The following SLC16A3 variants were observed in gnomAD, a reference collection of about 807,000 sequenced individuals.
SLC16A3 encodes the protein solute carrier family 16 member 3, also known as monocarboxylate transporter 4.
Under a neutral mutation model 25.0 loss-of-function variants are expected in SLC16A3, and 22 were observed. The observed-to-expected ratio is 0.88, with a 90% confidence interval of 0.63 to 1.26. The LOEUF (loss-of-function observed/expected upper bound fraction) is 1.26, where lower values mean the gene tolerates loss of function less well. SLC16A3 is among the 50% of genes most tolerant of loss of function. SLC16A3 has a pLI of 0.00. For synonymous variants in SLC16A3, 390 were observed against 309.2 expected, an observed-to-expected ratio of 1.26 and a Z score of -2.74; for missense variants, 731 against 666.6, an observed-to-expected ratio of 1.10 and a Z score of -1.06.
At chr17:82,227,633 G>GC (rs1369492321), upstream of SLC16A3, among the ~76,000 whole-genome samples, 12 of 67,728 alleles carry the variant, frequency 1.8e-4, 1 homozygote, top group African/African-American at 4.4e-4. Context: ...ACCTGCCCTG[G>GC]GCGGGAGCAC....
chr17:82,227,665 C>CCACCTGCCCTGGGCGGGAGCAG (rs2050434703), upstream of SLC16A3, among the ~76,000 whole-genome samples: 1 of 21,352 alleles, frequency 4.7e-5, no homozygotes, highest in Admixed American at 7.6e-4. Context: ...GGCGGGAGCA[C>CCACCTGCCCTGGGCGGGAGCAG]CACCTGCCCT....
chr17:82,239,090 C>A lies in SLC16A3; in HGVS notation c.*114C>A. The A allele has an allele frequency of 9.6e-7, 1 of 1,040,650 alleles. No individual in the cohort carries two copies. 64.5% of individuals were successfully genotyped at this position (1,040,650 alleles called of 1,614,324 possible). A position where few individuals can be genotyped will look rare whatever the true frequency, so the allele number is the denominator to read the frequency against. On this transcript the variant is annotated 3_prime_UTR_variant, in exon 5 of 5. Coordinates refer to ENST00000582743, the MANE Select transcript of SLC16A3 (RefSeq NM_004207.4). ...AGGGCCACGGCTGGGCTCCAGCTGC[C>A]GGCCCAGCGGATCGTCGCCCGATCA...
chr17:82,240,012 G>A lies in SLC16A3; in HGVS notation c.*1036G>A. 1 of 1,233,800 alleles carries A rather than the reference G, an allele frequency of 8.1e-7. No individual in the cohort carries two copies. Among genetic ancestry groups the A allele is most frequent in the Non-Finnish European group, 1.0e-6 (1 of 987,898 alleles). 76.4% of individuals were successfully genotyped at this position (1,233,800 alleles called of 1,614,324 possible). A position where few individuals can be genotyped will look rare whatever the true frequency, so the allele number is the denominator to read the frequency against. ...GTCGTGGGCGCTGGGGACGGCAGCG[G>A]GTGCCCTGGCGGGCCGCGTGCAGCC... On this transcript the variant is annotated 3_prime_UTR_variant, in exon 5 of 5. Coordinates refer to ENST00000582743, the MANE Select transcript of SLC16A3 (RefSeq NM_004207.4).
intron 4 of SLC16A3, among the ~76,000 whole-genome samples, 196 bp downstream of exon 4, chr17:82,238,089 G>A (rs1042595769): frequency 2.6e-5 from 4 of 152,204 alleles, no homozygotes; most frequent in South Asian, 2.1e-4. Flanking sequence ...TGCTCCGTCC[G>A]GCACAGTGTG....
intron 1 of SLC16A3, among the ~76,000 whole-genome samples, chr17:82,221,472 C>T (rs761524626): frequency 5.3e-5 from 8 of 151,860 alleles, no homozygotes; most frequent in African/African-American, 1.9e-4. Flanking sequence ...GAGGCTGAGG[C>T]GGGGAAGACT....
At chr17:82,232,918 C>G (rs866124065) in intron 1 of SLC16A3, among the ~76,000 whole-genome samples, 60 of 47,240 alleles carry the variant, frequency 1.3e-3, no homozygotes, top group Non-Finnish European at 1.9e-3. Flanking sequence ...TGGGGGGCGG[C>G]GGGGGGGGGG....
intron 1 of SLC16A3, 84 bp downstream of exon 1, chr17:82,229,190 G>C (rs1425549388): frequency 1.3e-5 from 2 of 151,616 alleles, no homozygotes; most frequent in African/African-American, 2.4e-5. Context: ...CGGGGTCCGC[G>C]CTCTCACCCC....
At chr17:82,238,580 A>T (rs1159631108) in intron 4 of SLC16A3, 122 bp from the exon 5 acceptor site, 1 of 1,003,828 alleles carries the variant, frequency 1.0e-6, no homozygotes, top group East Asian at 2.8e-5. Flanking sequence ...CCAGCCCCAC[A>T]AGCTCAGAGG....
At chr17:82,228,058 C>G (rs1232323455), upstream of SLC16A3, among the ~76,000 whole-genome samples, 3 of 152,224 alleles carry the variant, frequency 2.0e-5, no homozygotes, top group Non-Finnish European at 4.4e-5. Flanking sequence ...TTACCAGTGC[C>G]TCGGTCCCCG....
At position 82,235,840 on chromosome 17, in the gene SLC16A3, C is replaced by T. The variant is rs968968509; in HGVS notation, c.-26-143C>T. 5 of 619,584 alleles carry T rather than the reference C, an allele frequency of 8.1e-6. No homozygotes were observed. The African/African-American group carries it at 9.2e-5, about 11-fold the overall frequency. The allele number at this position is 619,584 out of a possible 1,614,324, so 38.4% of individuals were successfully genotyped here. ...AAACCCTCCTGCCTCCACCAGACACCAGGTCAGGGGGCCACAAGTGTGGGT... is the reference window on the plus strand; with the variant it reads ...AAACCCTCCTGCCTCCACCAGACACTAGGTCAGGGGGCCACAAGTGTGGGT... On this transcript the variant is annotated intron_variant, in intron 1 of 4. Transcript: ENST00000582743.
In SLC16A3 at chr17:82,219,991, C is replaced by T. The variant is rs978477796; in HGVS notation, c.-27+1807C>T. 5.9e-5 allele frequency among the ~76,000 whole-genome samples: 9 copies of T among 152,252 alleles called. 1 individual carries two copies. The East Asian group carries it at 1.7e-3, about 30-fold the overall frequency. On this transcript the variant is annotated intron_variant, in intron 1 of 4. Coordinates refer to the SLC16A3 transcript ENST00000580098. ...AGGCGAAAAAACGCACTCCAGGATG[C>T]TGGACGCTCAGGGCCGGGGGGGCCC... is the stretch of plus-strand genomic sequence containing the variant.
intron 1 of SLC16A3, chr17:82,231,004 C>G (rs540305116): frequency 1.3e-5 from 2 of 152,376 alleles, no homozygotes; most frequent in East Asian, 3.9e-4. Context: ...GAGGCCCCGA[C>G]GCCTGGCGCG....
At position 82,235,980 on chromosome 17, in the gene SLC16A3, C is replaced by CA; in HGVS notation, c.-26-2dup. The CA allele has an allele frequency of 6.3e-7, 1 of 1,584,840 alleles. No homozygotes were observed. The highest frequency in any genetic ancestry group is 8.6e-7 in the Non-Finnish European group (1 of 1,161,960). ...GCCTGAGTCAGCCTGCTTTCTCTCT[C>CA]AGGTGAGGCGGAACCAACCCTCCTG... On this transcript the variant is annotated splice_polypyrimidine_tract_variant and splice_region_variant and intron_variant, in intron 1 of 4. Transcript: ENST00000582743.
intron 1 of SLC16A3, among the ~76,000 whole-genome samples, chr17:82,219,823 CCT>C (rs2050378315): frequency 6.6e-6 from 1 of 152,162 alleles, no homozygotes; most frequent in Non-Finnish European, 1.5e-5. Flanking sequence ...AGTCTTGACT[CCT>C]CTCCTTCCAC....
chr17:82,220,324 C>T (rs1298957985), intron 1 of SLC16A3, among the ~76,000 whole-genome samples: 1 of 152,120 alleles, frequency 6.6e-6, no homozygotes, highest in African/African-American at 2.4e-5. Flanking sequence ...AATGTTGGGG[C>T]CAAGGGGCTG....
In SLC16A3 at chr17:82,239,115, A is replaced by C. The variant is rs899183715; in HGVS notation, c.*139A>C. ...CGGCCCAGCGGATCGTCGCCCGATC[A>C]GTGTTTTGAGGGGGAAGGTGGCGGG... is the stretch of plus-strand genomic sequence containing the variant. On this transcript the variant is annotated 3_prime_UTR_variant, in exon 5 of 5. Transcript: ENST00000582743. The C allele has an allele frequency of 3.7e-6, 3 of 805,848 alleles. No individual in the cohort carries two copies. The African/African-American group carries it at 5.2e-5, about 14-fold the overall frequency. 49.9% of individuals were successfully genotyped at this position (805,848 alleles called of 1,614,324 possible).
exon 1 of SLC16A3, among the ~76,000 whole-genome samples, chr17:82,218,138 C>T (rs1031824545): frequency 1.3e-5 from 2 of 152,194 alleles, no homozygotes; most frequent in Non-Finnish European, 2.9e-5. Flanking sequence ...CAGGTTGAGA[C>T]GTAGGGTAGC....
intron 1 of SLC16A3, chr17:82,235,742 C>A: frequency 1.8e-6 from 1 of 556,434 alleles, no homozygotes; most frequent in Non-Finnish European, 3.2e-6. Flanking sequence ...AAGCCACTGC[C>A]CTTTAGAGCC....
chr17:82,224,702 A>G (rs1289278908), upstream of SLC16A3, among the ~76,000 whole-genome samples: 1 of 136,538 alleles, frequency 7.3e-6, no homozygotes, highest in South Asian at 2.4e-4. Flanking sequence ...CCGTGCACAG[A>G]CACCTGTGCA....
Sources: allele counts gnomAD v4.1 joint callset (sites outside exome capture counted in the v4.1 genomes callset), GRCh38; gene constraint gnomAD v4.1.1; transcripts MANE v1.5; gene names NCBI Gene and HGNC (gene_info 2026-07-23, HGNC 2026-07-21).